Variants in SHANK2 observed in about 807,000 individuals in gnomAD.
SHANK2 encodes the protein SH3 and multiple ankyrin repeat domains 2.
Under a neutral mutation model 133.7 loss-of-function variants are expected in SHANK2, and 43 were observed. The observed-to-expected ratio is 0.32, with a 90% CI of 0.25 to 0.41. SHANK2 has a LOEUF of 0.41. SHANK2 is among the 10% of genes least tolerant of loss of function. The pLI is 1.00. For missense variants in SHANK2, 1,994 were observed against 2,235.8 expected (o/e 0.89, Z 2.18); for synonymous variants, 1,017 against 952.8 (o/e 1.07, Z -1.24).
rs1281754010 is a variant in SHANK2 at position 70,500,124 on chromosome 11, TCTC to T, written c.2308+443_2308+445del. Among the ~76,000 whole-genome samples, 1 of 151,998 alleles carries T rather than the reference TCTC, an allele frequency of 6.6e-6. No homozygotes were observed. The highest frequency in any genetic ancestry group is 1.5e-5 in the Non-Finnish European group (1 of 67,982). ...AGCCAAAGGGCTCACACTGCTCCCT[TCTC>T]CTTCTAGTGCCCCACAGGGCACAGG... is the stretch of plus-strand genomic sequence containing the variant. On this transcript the variant is annotated intron_variant, in intron 21 of 25. Transcript: ENST00000601538. This position sits in a 1 kb window ranked among gnomAD's most constrained non-coding sequence, Gnocchi z 4.5.
At chr11:70,887,871 T>G (rs1438992735) in intron 11 of SHANK2, among the ~76,000 whole-genome samples, 3 of 152,034 alleles carry the variant, frequency 2.0e-5, no homozygotes, top group African/African-American at 7.2e-5. Context: ...AAGGTGAGTC[T>G]CACCTCCACT....
intron 17 of SHANK2, among the ~76,000 whole-genome samples, chr11:70,581,471 A>T (rs2060184467): frequency 6.6e-6 from 1 of 152,120 alleles, no homozygotes; most frequent in Non-Finnish European, 1.5e-5. Flanking sequence ...ATGGCAGATC[A>T]CTCGAGGTTG....
chr11:71,146,442 C>CA (rs1555106700), intron 3 of SHANK2, among the ~76,000 whole-genome samples: 16 of 151,924 alleles, frequency 1.1e-4, no homozygotes, highest in South Asian at 2.1e-4. Flanking sequence ...CCTTTACAGA[C>CA]AGCCCCAGTT....
intron 10 of SHANK2, among the ~76,000 whole-genome samples, chr11:70,918,572 C>A (rs182551747): frequency 6.6e-6 from 1 of 152,256 alleles, no homozygotes; most frequent in Admixed American, 6.5e-5. Context: ...GCGGAGCAAT[C>A]TCGGCTCACT....
intron 15 of SHANK2, among the ~76,000 whole-genome samples, chr11:70,683,228 T>C (rs782808094): frequency 6.6e-6 from 1 of 152,196 alleles, no homozygotes; most frequent in Non-Finnish European, 1.5e-5. Context: ...TCCTCCCACC[T>C]TGGCCTCCTG....
At chr11:71,115,674 G>A (rs1228899773) in intron 4 of SHANK2, among the ~76,000 whole-genome samples, 1 of 152,116 alleles carries the variant, frequency 6.6e-6, no homozygotes, top group Non-Finnish European at 1.5e-5. Context: ...GGGAATCCGG[G>A]GCTGAGAGAG....
chr11:70,548,964 G>T (rs1325303715), intron 17 of SHANK2, among the ~76,000 whole-genome samples: 3 of 152,212 alleles, frequency 2.0e-5, no homozygotes, highest in South Asian at 2.1e-4. Flanking sequence ...AGCTGGAGGA[G>T]TAGGCAAGGC....
rs1384446239 is a variant in SHANK2, at chr11:71,072,735, C to T, written c.1029+2424G>A. ...CTTAAAAAGGAAGGATAAAAAATTC[C>T]GACACAGCCTACAGCGTGGACAAAC... On this transcript the variant is annotated intron_variant, in intron 9 of 25. Coordinates refer to ENST00000601538, the MANE Select transcript of SHANK2 (RefSeq NM_012309.5). Among the ~76,000 whole-genome samples the T allele has an allele frequency of 3.9e-5, 6 of 152,222 alleles. No individual in the cohort carries two copies. The South Asian group carries it at 1.2e-3, about 32-fold the overall frequency.
At chr11:70,725,771 T>C (rs1946168072) in intron 14 of SHANK2, among the ~76,000 whole-genome samples, 1 of 152,250 alleles carries the variant, frequency 6.6e-6, no homozygotes, top group African/African-American at 2.4e-5. Flanking sequence ...TCTTCATGGA[T>C]GACCCGGTAG....
intron 17 of SHANK2, among the ~76,000 whole-genome samples, chr11:70,524,678 C>A (rs538759626): frequency 1.3e-5 from 2 of 152,150 alleles, no homozygotes; most frequent in Non-Finnish European, 2.9e-5. Context: ...GATGACATTA[C>A]GGTAACTAGA....
intron 6 of SHANK2, among the ~76,000 whole-genome samples, chr11:71,107,985 T>C (rs1951826704): frequency 6.6e-6 from 1 of 152,092 alleles, no homozygotes; most frequent in Non-Finnish European, 1.5e-5. Flanking sequence ...CGCAGCAGCA[T>C]CAGAAATAGC....
chr11:70,673,511 G>A (rs1944854201), intron 15 of SHANK2, among the ~76,000 whole-genome samples: 1 of 152,232 alleles, frequency 6.6e-6, no homozygotes, highest in African/African-American at 2.4e-5. Flanking sequence ...AAGTCCCTCT[G>A]GTGGGGGTGG....
rs11232365 is a variant in SHANK2, at chr11:71,165,391, C to A, written c.-12-18053G>T. Among the ~76,000 whole-genome samples the A allele has an allele frequency of 6.5e-3, 992 of 152,262 alleles. 2 individuals carry two copies. The highest frequency in any genetic ancestry group is 0.011 in the Non-Finnish European group (778 of 68,026). On this transcript the variant is annotated intron_variant, in intron 2 of 25. Coordinates refer to ENST00000601538, the MANE Select transcript of SHANK2 (RefSeq NM_012309.5). ...CCATCTGGGGCATTTTAAACTATTGCGCTAACCTCATGGCGAGAGAATCTC... is the reference window on the plus strand; with the variant it reads ...CCATCTGGGGCATTTTAAACTATTGAGCTAACCTCATGGCGAGAGAATCTC...
At chr11:70,587,491 C>T (rs782363468) in intron 17 of SHANK2, among the ~76,000 whole-genome samples, 23 of 151,802 alleles carry the variant, frequency 1.5e-4, no homozygotes, top group Non-Finnish European at 2.8e-4. Flanking sequence ...CAGTGCTTAC[C>T]GACAGGAAAA....
At chr11:71,248,928 T>C (rs1250714629) in intron 1 of SHANK2, among the ~76,000 whole-genome samples, 3 of 152,180 alleles carry the variant, frequency 2.0e-5, no homozygotes, top group African/African-American at 7.2e-5. Context: ...TTCCTCCCCA[T>C]TATCCTAGAA....
chr11:71,168,501 C>G (rs1371550300), intron 2 of SHANK2, among the ~76,000 whole-genome samples: 1 of 151,564 alleles, frequency 6.6e-6, no homozygotes, highest in East Asian at 1.9e-4. Flanking sequence ...TGTAGCGAGC[C>G]GAGATCACGC....
At chr11:70,808,388 G>T (rs1948208147) in intron 12 of SHANK2, among the ~76,000 whole-genome samples, 1 of 151,734 alleles carries the variant, frequency 6.6e-6, no homozygotes, top group Non-Finnish European at 1.5e-5. Flanking sequence ...TTTTAGTAGA[G>T]ATGCGGTTTC....
At chr11:71,061,218 T>G (rs1323443404) in intron 9 of SHANK2, among the ~76,000 whole-genome samples, 1 of 152,272 alleles carries the variant, frequency 6.6e-6, no homozygotes, top group Non-Finnish European at 1.5e-5. Context: ...TTTACTGGGA[T>G]GCGACCACAT....
At chr11:70,820,343 T>C (rs1020218869) in intron 12 of SHANK2, 21 bp downstream of exon 12, 2 of 604,310 alleles carry the variant, frequency 3.3e-6, no homozygotes, top group Middle Eastern at 2.6e-4. Flanking sequence ...CTTCCTTCCC[T>C]TGGCGTCTGC....
Sources: allele counts gnomAD v4.1 joint callset (sites outside exome capture counted in the v4.1 genomes callset), GRCh38; gene constraint gnomAD v4.1.1; non-coding constraint Gnocchi (gnomAD v3.1); transcripts MANE v1.5; gene names NCBI Gene and HGNC (gene_info 2026-07-23, HGNC 2026-07-21).